SIPA1L1: variants seen among roughly 807,000 people sequenced by gnomAD.
The protein encoded by SIPA1L1 is signal-induced proliferation-associated 1-like protein 1.
In SIPA1L1, 26 loss-of-function variants were observed where a neutral mutation model predicts 162.7. The ratio of observed to expected loss-of-function variants is 0.16; its 90% confidence interval spans 0.12 to 0.22. The LOEUF (loss-of-function observed/expected upper bound fraction) is 0.22. Among genes scored for constraint, SIPA1L1 ranks in the 10% least tolerant of loss-of-function variants. The pLI, the probability that SIPA1L1 is intolerant of heterozygous loss-of-function variation, is 1.00. For missense variants in SIPA1L1, 1,874 were observed against 2,241.0 expected (o/e 0.84, Z 3.31); for synonymous variants, 829 against 837.4 (o/e 0.99, Z 0.17).
At chr14:71,583,896 C>A (rs1444520902) in intron 4 of SIPA1L1, among the ~76,000 whole-genome samples, 1 of 152,050 alleles carries the variant, frequency 6.6e-6, no homozygotes, top group African/African-American at 2.4e-5. Flanking sequence ...GGTTGCCATG[C>A]AGATTTCCAG....
chr14:71,535,225 A>G (rs61989391), intron 4 of SIPA1L1, among the ~76,000 whole-genome samples: 5,153 of 152,264 alleles, frequency 0.034, 136 homozygotes, highest in Non-Finnish European at 0.052. Flanking sequence ...TTAAATACCT[A>G]TGTATGGTGT....
At chr14:71,346,089 G>A (rs994320159) in intron 2 of SIPA1L1, among the ~76,000 whole-genome samples, 14 of 151,892 alleles carry the variant, frequency 9.2e-5, no homozygotes, top group African/African-American at 3.4e-4. Flanking sequence ...TGTATTCTTA[G>A]TAGAGATGGG....
intron 2 of SIPA1L1, among the ~76,000 whole-genome samples, chr14:71,366,029 GCTA>G (rs1367809854): frequency 2.6e-5 from 4 of 151,852 alleles, no homozygotes; most frequent in Non-Finnish European, 4.4e-5. Flanking sequence ...CCTGGCCAAG[GCTA>G]CTAAGTCTTA....
At chr14:71,436,858 G>A (rs529386097) in intron 2 of SIPA1L1, among the ~76,000 whole-genome samples, 10 of 148,852 alleles carry the variant, frequency 6.7e-5, no homozygotes, top group African/African-American at 9.9e-5. Flanking sequence ...TCTATCGCCC[G>A]GGTTCAAGTG....
At chr14:71,421,916 A>G (rs1419319442) in intron 2 of SIPA1L1, among the ~76,000 whole-genome samples, 1 of 152,216 alleles carries the variant, frequency 6.6e-6, no homozygotes, top group African/African-American at 2.4e-5. Flanking sequence ...ATTTACCGCA[A>G]GAAGGGGACT....
At chr14:71,573,661 A>G (rs773668303) in intron 4 of SIPA1L1, 4 of 456,650 alleles carry the variant, frequency 8.8e-6, no homozygotes, top group South Asian at 4.6e-5. Flanking sequence ...ATGTCGAAAG[A>G]GAGATTGCAG....
chr14:71,617,087 A>G (rs765350075), intron 5 of SIPA1L1, among the ~76,000 whole-genome samples: 2 of 152,132 alleles, frequency 1.3e-5, no homozygotes, highest in Admixed American at 6.6e-5. Context: ...AAAGCATGTT[A>G]AGCTCTTTGC....
At chr14:71,502,574 A>G (rs2050348052) in intron 2 of SIPA1L1, among the ~76,000 whole-genome samples, 1 of 152,066 alleles carries the variant, frequency 6.6e-6, no homozygotes, top group South Asian at 2.1e-4. Context: ...AAAAGCCCAG[A>G]AACAAAAATT....
intron 5 of SIPA1L1, among the ~76,000 whole-genome samples, chr14:71,591,622 T>C (rs1359483591): frequency 6.6e-6 from 1 of 152,190 alleles, no homozygotes; most frequent in African/African-American, 2.4e-5. Context: ...AAGCAGGGAA[T>C]TGTTAAAAAG....
At chr14:71,482,401 G>A (rs910916661) in intron 2 of SIPA1L1, among the ~76,000 whole-genome samples, 15 of 152,096 alleles carry the variant, frequency 9.9e-5, no homozygotes, top group African/African-American at 3.1e-4. Flanking sequence ...TGGGTTTAGC[G>A]ATTACCCAAT....
intron 7 of SIPA1L1, among the ~76,000 whole-genome samples, chr14:71,646,299 C>A (rs1198913902): frequency 6.6e-6 from 1 of 151,994 alleles, no homozygotes; most frequent in Non-Finnish European, 1.5e-5. Flanking sequence ...GCCTCAGCCT[C>A]CCGAGTAGCT....
chr14:71,713,109 G>T (rs1266258042), intron 17 of SIPA1L1, among the ~76,000 whole-genome samples: 2 of 152,180 alleles, frequency 1.3e-5, no homozygotes, highest in African/African-American at 2.4e-5. Flanking sequence ...AGTCCCAGCT[G>T]CTCAGGAGGC....
chr14:71,409,318 A>G (rs1030276409), intron 2 of SIPA1L1, among the ~76,000 whole-genome samples: 8 of 152,074 alleles, frequency 5.3e-5, no homozygotes, highest in Admixed American at 2.6e-4. Flanking sequence ...GTGTGGCTAG[A>G]GTAGAGTGGT....
At chr14:71,571,767 G>A (rs1386513607) in intron 4 of SIPA1L1, among the ~76,000 whole-genome samples, 2 of 151,490 alleles carry the variant, frequency 1.3e-5, no homozygotes, top group East Asian at 3.9e-4. Flanking sequence ...TCAGCCTCCG[G>A]AGTAGCTGGG....
At chr14:71,508,641 G>A (rs982003010) in intron 2 of SIPA1L1, among the ~76,000 whole-genome samples, 5 of 152,100 alleles carry the variant, frequency 3.3e-5, no homozygotes, top group South Asian at 2.1e-4. Flanking sequence ...TTTTATTTCC[G>A]AACAAATATG....
chr14:71,646,624 T>C (rs1311936020), intron 7 of SIPA1L1, among the ~76,000 whole-genome samples: 3 of 152,238 alleles, frequency 2.0e-5, no homozygotes, highest in Admixed American at 6.5e-5. Flanking sequence ...ATCTCAAATA[T>C]AGCCCTTGTC....
At chr14:71,508,065 A>C (rs1459441490) in intron 2 of SIPA1L1, among the ~76,000 whole-genome samples, 1 of 152,186 alleles carries the variant, frequency 6.6e-6, no homozygotes, top group African/African-American at 2.4e-5. Flanking sequence ...GGAGAGGAGG[A>C]GAATGCCTGT....
chr14:71,330,394 A>G, intron 2 of SIPA1L1: 2 of 1,102,550 alleles, frequency 1.8e-6, no homozygotes, highest in Admixed American at 1.7e-5. Flanking sequence ...GCGGACATGC[A>G]TGCTGATTTC....
intron 7 of SIPA1L1, among the ~76,000 whole-genome samples, chr14:71,649,705 C>G (rs891018746): frequency 6.6e-6 from 1 of 152,136 alleles, no homozygotes; most frequent in African/African-American, 2.4e-5. Context: ...TTTAAAGTTT[C>G]TCTGCAGACA....
Sources: allele counts gnomAD v4.1 joint callset (sites outside exome capture counted in the v4.1 genomes callset), GRCh38; gene constraint gnomAD v4.1.1; transcripts MANE v1.5; gene names NCBI Gene and HGNC (gene_info 2026-07-23, HGNC 2026-07-21).